Variants in FASN observed in about 807,000 individuals in gnomAD.
FASN encodes fatty acid synthase.
A neutral mutation model predicts 250.0 loss-of-function variants in FASN; 50 were observed. The ratio of observed to expected loss-of-function variants is 0.20; its 90% confidence interval spans 0.16 to 0.25. FASN has a LOEUF of 0.25. FASN is among the 10% of genes least tolerant of loss of function. The pLI is 1.00. For synonymous variants in FASN, 1,909 were observed against 1,584.0 expected (o/e 1.21, Z -4.87); for missense variants, 3,031 against 3,498.5 (o/e 0.87, Z 3.37).
Position 82,087,462 on chromosome 17 carries a change from A to G in FASN, c.3086T>C (p.Phe1029Ser). ...RLLWKDNWVSFMDTMLQMSIL... is the reference protein window; with the variant it reads ...RLLWKDNWVSSMDTMLQMSIL... ...GGACATCTGCAGCATGGTGTCCATG[A>G]AGCTCACCCAGTTATCCTTCCACAG... Residue 1029 changes from phenylalanine to serine, a missense_variant, in exon 20 of 43, where the codon TTC (phenylalanine) becomes TCC (serine). Coordinates refer to ENST00000306749, the MANE Select transcript of FASN (RefSeq NM_004104.5). The G allele has an allele frequency of 6.2e-7, 1 of 1,612,652 alleles. No homozygotes were observed. The highest frequency in any genetic ancestry group is 8.5e-7 in the Non-Finnish European group (1 of 1,179,988).
chr17:82,079,099 T>TGGGGG lies in FASN; in HGVS notation c.*43_*44insCCCCC, dbSNP rs2033941545. ...ATGGCGGGGGTGGGGTGGGGTGGGG[T>TGGGGG]GGGGATGGTGGAGTGACCTCCGGTG... On this transcript the variant is annotated 3_prime_UTR_variant, in exon 43 of 43. Coordinates refer to ENST00000306749, the MANE Select transcript of FASN (RefSeq NM_004104.5). 8.9e-7 allele frequency: 1 copy of TGGGGG among 1,127,214 alleles called. No homozygotes were observed. Among genetic ancestry groups the TGGGGG allele is most frequent in the African/African-American group, 3.6e-5 (1 of 27,952 alleles). The allele number at this position is 1,127,214 out of a possible 1,614,324, so 69.8% of individuals were successfully genotyped here. A position where few individuals can be genotyped will look rare whatever the true frequency, so the allele number is the denominator to read the frequency against.
chr17:82,079,399 GCCA>G lies in FASN; in HGVS notation c.7353_7355del (p.Gly2452del). 6.2e-7 allele frequency: 1 copy of G among 1,612,990 alleles called. No individual in the cohort carries two copies. Among genetic ancestry groups the G allele is most frequent in the Non-Finnish European group, 8.5e-7 (1 of 1,179,998 alleles). On this transcript the variant is annotated inframe_deletion, in exon 42 of 43. Transcript: ENST00000306749. Reference sequence around the variant, plus strand: ...CCGCGCCCAGGTCCTCGCCGTAGGCGCCACCCGTCTTGGCGCGCAGTAGCATCA... The same window carrying G: ...CCGCGCCCAGGTCCTCGCCGTAGGCGCCCGTCTTGGCGCGCAGTAGCATCA...
chr17:82,096,558 C>A lies in FASN; in HGVS notation c.-7-106G>T, dbSNP rs571943803. ...GACACCCATGGGGCCAAGCACCACC[C>A]TGAGGGTCCGTGCGGGCCCTGGCTC... is the stretch of plus-strand genomic sequence containing the variant. On this transcript the variant is annotated intron_variant, in intron 1 of 42. Transcript: ENST00000306749. 1.9e-5 allele frequency: 29 copies of A among 1,553,146 alleles called. No individual in the cohort carries two copies. The East Asian group carries it at 6.3e-4, about 34-fold the overall frequency.
chr17:82,095,746 G>A (rs1458853374), intron 2 of FASN, among the ~76,000 whole-genome samples: 1 of 152,226 alleles, frequency 6.6e-6, no homozygotes, highest in Non-Finnish European at 1.5e-5. Flanking sequence ...AGTGAGGCTG[G>A]GGGACCATCT....
intron 37 of FASN, 124 bp downstream of exon 37, chr17:82,081,477 C>G: frequency 6.3e-7 from 1 of 1,582,518 alleles, no homozygotes; most frequent in Non-Finnish European, 8.6e-7. Flanking sequence ...ACAGTGACAC[C>G]TGCGCCCGCA....
In FASN at chr17:82,092,557, GGT is replaced by G; in HGVS notation, c.925_926del (p.Thr309ProfsTer52). ...VGDPQELNGI[T>X]RALCATRQEP... ...CCTGGCGGGTGGCGCACAGGGCTCG[GGT>G]GATGCCATTCAGCTCCTGGGGGTCG... is the stretch of plus-strand genomic sequence containing the variant. On this transcript the variant is annotated frameshift_variant, in exon 8 of 43. Coordinates refer to ENST00000306749, the MANE Select transcript of FASN (RefSeq NM_004104.5). LOFTEE classifies it high-confidence loss of function. The G allele has an allele frequency of 6.2e-7, 1 of 1,607,290 alleles. No homozygotes were observed.
At position 82,085,334 on chromosome 17, in the gene FASN, G is replaced by A. The variant is rs753472791; in HGVS notation, c.4191C>T (p.Gly1397=). 2 of 1,611,700 alleles carry A rather than the reference G, an allele frequency of 1.2e-6. No individual in the cohort carries two copies. Among genetic ancestry groups the A allele is most frequent in the Non-Finnish European group, 1.7e-6 (2 of 1,179,578 alleles). ...GCCGGCGGCACAGGAAGAGCGTGGA[G>A]CCGTAGAAGGACTTCTTCAGGCCCA... is the stretch of plus-strand genomic sequence containing the variant. The part of the protein sequence containing the change: ...RLVGLKKSFY[G]STLFLCRRPT... Residue 1397 remains glycine, a synonymous_variant, in exon 24 of 43, where the codon GGC becomes GGT. Transcript: ENST00000306749.
chr17:82,097,982 C>T, intron 1 of FASN, 139 bp downstream of exon 1: 1 of 286,516 alleles, frequency 3.5e-6, no homozygotes, highest in Non-Finnish European at 6.5e-6. Context: ...CCCGGACAGG[C>T]CGCCCAGGCG....
At chr17:82,087,002 G>A (rs918663125) in intron 21 of FASN, 48 bp downstream of exon 21, 2 of 1,587,786 alleles carry the variant, frequency 1.3e-6, no homozygotes, top group Admixed American at 1.7e-5. Context: ...GGAGGCGATC[G>A]CTCCTCATCG....
At position 82,083,876 on chromosome 17, in the gene FASN, C is replaced by A; in HGVS notation, c.5114G>T (p.Arg1705Leu). 1 of 1,572,118 alleles carries A rather than the reference C, an allele frequency of 6.4e-7. No homozygotes were observed. ...GGGGAACCTGGCCTGGAGGTACGCC[C>A]GCTTCTCAGCCGACCCTGGTGAAGA... ...VFTTVGSAEK[R>L]AYLQARFPQL... is the part of the protein sequence containing the mutation. The change falls in exon 30 of 43, where the codon CGG (arginine) becomes CTG (leucine). Residue 1705 changes from arginine (R) to leucine (L), a missense_variant. Physicochemically the swap from Arg to Leu is moderately radical, Grantham distance 102. Coordinates refer to ENST00000306749, the MANE Select transcript of FASN (RefSeq NM_004104.5).
chr17:82,090,447 C>T lies in FASN; in HGVS notation c.1798G>A (p.Val600Ile), dbSNP rs137937996. Residue 600 changes from valine to isoleucine, a missense_variant, in exon 11 of 43, where the codon GTC becomes ATC. Physicochemically the swap from Val to Ile is conservative, Grantham distance 29. Coordinates refer to ENST00000306749, the MANE Select transcript of FASN (RefSeq NM_004104.5). ...TGTCCCCTCCAGTAGGCAGCGAGGA[C>T]GGCCTCCTCCTGGGACAGGCAGCCG... ...ADGCLSQEEA[V>I]LAAYWRGQCI... is the part of the protein sequence containing the mutation. 2.6e-5 allele frequency: 42 copies of T among 1,605,214 alleles called. No individual in the cohort carries two copies. The highest frequency in any genetic ancestry group is 4.0e-5 in the African/African-American group (3 of 74,780).
Position 82,080,148 on chromosome 17 carries a change from G to T in FASN, c.7138C>A (p.His2380Asn). 6.2e-7 allele frequency: 1 copy of T among 1,613,122 alleles called. No homozygotes were observed. Among genetic ancestry groups the T allele is most frequent in the Non-Finnish European group, 8.5e-7 (1 of 1,179,974 alleles). ...FFVQQFTDME[H>N]NRVLEALLPL... ...GGGTGTCCAGGACCCACCCTGTTGTGCTCCATGTCCGTGAACTGCTGCACG... is the reference window on the plus strand; with the variant it reads ...GGGTGTCCAGGACCCACCCTGTTGTTCTCCATGTCCGTGAACTGCTGCACG... The change falls in exon 41 of 43, where the codon CAC (histidine) becomes AAC (asparagine). Residue 2380 changes from histidine to asparagine, a missense_variant. Physicochemically the swap from His to Asn is moderately conservative, Grantham distance 68 (BLOSUM62 1). Transcript: ENST00000306749.
rs1478780251 is a variant in FASN at position 82,090,356 on chromosome 17, G to A, written c.1870+19C>T. 3 of 1,564,960 alleles carry A rather than the reference G, an allele frequency of 1.9e-6. No individual in the cohort carries two copies. The Admixed American group carries it at 5.7e-5, about 30-fold the overall frequency. ...GCCTCCTTTCTTGGAGGTGCTGGGG[G>A]CCCCTCCGGGAGACCTACCCACGGC... On this transcript the variant is annotated intron_variant, in intron 11 of 42. Transcript: ENST00000306749.
chr17:82,088,513 G>T lies in FASN; in HGVS notation c.2470C>A (p.Pro824Thr). 1 of 1,608,494 alleles carries T rather than the reference G, an allele frequency of 6.2e-7. No individual in the cohort carries two copies. The highest frequency in any genetic ancestry group is 8.5e-7 in the Non-Finnish European group (1 of 1,176,790). Residue 824 changes from proline to threonine, a missense_variant, in exon 16 of 43, where the codon CCC becomes ACC. Coordinates refer to ENST00000306749, the MANE Select transcript of FASN (RefSeq NM_004104.5). ...ALFPPVEFPA[P>T]RGTPLISPLI... ...GGGGAGATGAGGGGAGTTCCTCGGG[G>T]AGCTGGGAACTCCACAGGTGGGAAC...
At position 82,086,321 on chromosome 17, in the gene FASN, G is replaced by C. The variant is rs779872658; in HGVS notation, c.3665C>G (p.Pro1222Arg). Residue 1222 changes from proline to arginine, a missense_variant, in exon 22 of 43, where the codon CCG becomes CGG. By Grantham distance (103) the Pro-to-Arg change is moderately radical (BLOSUM62 -2). Transcript: ENST00000306749. ...AGTGTCCAGGCAGGCCTTGAGTGCC[G>C]GGGAGTCCAGGAGGCCGCTGAGCAG... The part of the protein sequence containing the change: ...DPLLSGLLDS[P>R]ALKACLDTAV... The C allele has an allele frequency of 4.4e-6, 7 of 1,602,806 alleles. No homozygotes were observed. In the African/African-American group the frequency reaches 9.3e-5, roughly 21 times the overall value.
In FASN at chr17:82,082,677, G is replaced by A. The variant is rs992199286; in HGVS notation, c.5769C>T (p.Gly1923=). The A allele has an allele frequency of 1.2e-6, 2 of 1,608,348 alleles. No homozygotes were observed. Among genetic ancestry groups the A allele is most frequent in the South Asian group, 1.1e-5 (1 of 91,068 alleles). ...VLTSRSGIRT[G]YQAKQVRRWR... Reference sequence around the variant, plus strand: ...ACCGGCGGACCTGCTTGGCCTGGTAGCCTGCGGGACACAGGACTGTGGGCT... The same window carrying A: ...ACCGGCGGACCTGCTTGGCCTGGTAACCTGCGGGACACAGGACTGTGGGCT... The change falls in exon 34 of 43, where the codon GGC becomes GGT. Residue 1923 remains glycine (G), a splice_region_variant and synonymous_variant. Coordinates refer to ENST00000306749, the MANE Select transcript of FASN (RefSeq NM_004104.5).
Position 82,092,441 on chromosome 17 carries a change from C to T in FASN, c.1029+14G>A. On this transcript the variant is annotated intron_variant, in intron 8 of 42. Coordinates refer to ENST00000306749, the MANE Select transcript of FASN (RefSeq NM_004104.5). ...GCAGGAGCCTGAGGGACCCCCAAGC[C>T]CAGCCCCACCTACCTTGGCCAGGGC... 1 of 1,561,162 alleles carries T rather than the reference C, an allele frequency of 6.4e-7. No individual in the cohort carries two copies. Among genetic ancestry groups the T allele is most frequent in the South Asian group, 1.2e-5 (1 of 85,620 alleles).
In FASN at chr17:82,078,916, G is replaced by C. The variant is rs1357102537; in HGVS notation, c.*227C>G. On this transcript the variant is annotated 3_prime_UTR_variant, in exon 43 of 43. Transcript: ENST00000306749. This position sits in a 1 kb window ranked among gnomAD's most constrained non-coding sequence, Gnocchi z 5.4. ...GCACGGGCACCACCGGCTCTTCACA[G>C]ACCAGGAGTCTCCAAGTCGGCAGCT... 1 of 626,086 alleles carries C rather than the reference G, an allele frequency of 1.6e-6. No individual in the cohort carries two copies. Among genetic ancestry groups the C allele is most frequent in the Admixed American group, 2.7e-5 (1 of 36,806 alleles). 38.8% of individuals were successfully genotyped at this position (626,086 alleles called of 1,614,324 possible). A position where few individuals can be genotyped will look rare whatever the true frequency, so the allele number is the denominator to read the frequency against.
rs754847679 is a variant in FASN at position 82,079,294 on chromosome 17, G to A, written c.7399-14C>T. Reference sequence around the variant, plus strand: ...CCCGTCGCATACCTGCAGGGGATGCGATCAGCTGCCGTCCCACCCCACTCC... The same window carrying A: ...CCCGTCGCATACCTGCAGGGGATGCAATCAGCTGCCGTCCCACCCCACTCC... On this transcript the variant is annotated splice_polypyrimidine_tract_variant and intron_variant, in intron 42 of 42. Transcript: ENST00000306749. 8 of 1,612,998 alleles carry A rather than the reference G, an allele frequency of 5.0e-6. No individual in the cohort carries two copies. The highest frequency in any genetic ancestry group is 1.3e-5 in the African/African-American group (1 of 75,066).
Sources: allele counts gnomAD v4.1 joint callset (sites outside exome capture counted in the v4.1 genomes callset), GRCh38; gene constraint gnomAD v4.1.1; non-coding constraint Gnocchi (gnomAD v3.1); transcripts MANE v1.5; gene names NCBI Gene and HGNC (gene_info 2026-07-23, HGNC 2026-07-21).